The following SAMHD1 variants were observed in gnomAD, a reference collection of about 807,000 sequenced individuals.
SAMHD1 encodes the protein deoxynucleoside triphosphate triphosphohydrolase SAMHD1.
SAMHD1 carries 54 observed loss-of-function variants against 79.6 expected under a neutral mutation model. The observed-to-expected ratio is 0.68, with a 90% confidence interval of 0.55 to 0.85. The LOEUF (loss-of-function observed/expected upper bound fraction) is 0.85. Among genes scored for constraint, SAMHD1 ranks in the 40% least tolerant of loss-of-function variants. SAMHD1 has a pLI of 0.00. For synonymous variants in SAMHD1, 260 were observed against 264.1 expected (o/e 0.98, Z 0.15); for missense variants, 663 against 782.7 (o/e 0.85, Z 1.82).
At chr20:36,902,298 C>T (rs1478717988) in intron 13 of SAMHD1, among the ~76,000 whole-genome samples, 2 of 152,188 alleles carry the variant, frequency 1.3e-5, no homozygotes, top group Non-Finnish European at 2.9e-5. Flanking sequence ...TCTCCTGCCT[C>T]AGCCTCCTTG....
intron 5 of SAMHD1, among the ~76,000 whole-genome samples, chr20:36,929,069 AAAG>A (rs2063552877): frequency 6.6e-6 from 1 of 151,910 alleles, no homozygotes; most frequent in African/African-American, 2.4e-5. Flanking sequence ...AAAAAAAAAA[AAAG>A]AAGTGAGCCA....
intron 6 of SAMHD1, among the ~76,000 whole-genome samples, chr20:36,921,152 T>C (rs1434481715): frequency 1.3e-5 from 2 of 151,900 alleles, no homozygotes; most frequent in African/African-American, 4.8e-5. Context: ...CCCAGCACTT[T>C]AGGAGGCGGA....
intron 1 of SAMHD1, among the ~76,000 whole-genome samples, chr20:36,948,997 G>T (rs2063714361): frequency 6.6e-6 from 1 of 152,008 alleles, no homozygotes; most frequent in South Asian, 2.1e-4. Context: ...GGGCGCGGTG[G>T]CTCACGCCTG....
chr20:36,941,005 A>T, intron 3 of SAMHD1, 34 bp downstream of exon 3: 1 of 1,502,712 alleles, frequency 6.7e-7, no homozygotes, highest in Non-Finnish European at 9.3e-7. Flanking sequence ...ATCACTTTAT[A>T]TTCAAAAAAC....
At chr20:36,936,911 CG>C (rs1021937286) in intron 3 of SAMHD1, among the ~76,000 whole-genome samples, 38 of 152,036 alleles carry the variant, frequency 2.5e-4, no homozygotes, top group African/African-American at 9.2e-4. Context: ...GAGGCCAAGG[CG>C]GGTGGATCAC....
At chr20:36,917,331 T>C (rs1601130545) in intron 7 of SAMHD1, 2 of 379,272 alleles carry the variant, frequency 5.3e-6, no homozygotes, top group East Asian at 1.1e-4. Flanking sequence ...ACAACTTTTG[T>C]GTTTTCTTGG....
intron 5 of SAMHD1, among the ~76,000 whole-genome samples, chr20:36,928,445 G>C (rs957825697): frequency 2.6e-5 from 4 of 152,080 alleles, no homozygotes; most frequent in African/African-American, 9.7e-5. Context: ...CCAGCACTTT[G>C]GGAGGCCGAG....
intron 11 of SAMHD1, among the ~76,000 whole-genome samples, chr20:36,910,190 T>C (rs1465787757): frequency 6.9e-6 from 1 of 144,606 alleles, no homozygotes; most frequent in Non-Finnish European, 1.5e-5. Flanking sequence ...GCCACTGCAC[T>C]CCAGCCTGGG....
intron 10 of SAMHD1, 146 bp downstream of exon 10, chr20:36,912,315 A>G: frequency 1.5e-6 from 1 of 649,000 alleles, no homozygotes; most frequent in Non-Finnish European, 2.8e-6. Context: ...TTTATGCTAG[A>G]TTTTTTTTCT....
At chr20:36,921,702 T>G (rs1244999898) in intron 6 of SAMHD1, among the ~76,000 whole-genome samples, 1 of 149,164 alleles carries the variant, frequency 6.7e-6, no homozygotes, top group Non-Finnish European at 1.5e-5. Flanking sequence ...TTTTTGTGGT[T>G]GTTTTTTTTT....
chr20:36,893,015 C>T lies in SAMHD1; in HGVS notation c.1798G>A (p.Asp600Asn), dbSNP rs761596589. 3.0e-5 allele frequency: 48 copies of T among 1,613,810 alleles called. 3 individuals are homozygous for T. In the Middle Eastern group the frequency reaches 5.6e-3, roughly 189 times the overall value. The part of the protein sequence containing the change: ...LITPQKKEWN[D>N]STSVQNPTRL... The stretch of plus-strand genomic sequence containing the variant: ...GTTGGATTTTGGACTGAAGTACTGT[C>T]GTTCCATTCCTTTTTTTGAGGTGTT... Residue 600 changes from aspartate (D) to asparagine (N), a missense_variant, in exon 16 of 16, where the codon GAC (aspartate) becomes AAC (asparagine). Coordinates refer to ENST00000646673, the MANE Select transcript of SAMHD1 (RefSeq NM_015474.4).
chr20:36,911,906 T>G (rs371009577), intron 10 of SAMHD1: 150 of 176,608 alleles, frequency 8.5e-4, no homozygotes, highest in African/African-American at 3.3e-3. Context: ...ACCCAGTGTT[T>G]GATAACTCCT....
chr20:36,934,562 A>T (rs1287629665), intron 4 of SAMHD1: 1 of 150,258 alleles, frequency 6.7e-6, no homozygotes, highest in Non-Finnish European at 1.5e-5. Context: ...TTTTCTCATC[A>T]ATAAAATAAG....
intron 3 of SAMHD1, among the ~76,000 whole-genome samples, chr20:36,939,272 AAAAAAAAG>A (rs2063625276): frequency 2.7e-5 from 4 of 148,292 alleles, no homozygotes; most frequent in South Asian, 2.1e-4. Flanking sequence ...AAAAAAAAAA[AAAAAAAAG>A]AAAAGAAAAG....
At position 36,935,047 on chromosome 20, in the gene SAMHD1, C is replaced by A. The variant is rs1290849663; in HGVS notation, c.491G>T (p.Arg164Leu). 2 of 1,613,888 alleles carry A rather than the reference C, an allele frequency of 1.2e-6. No homozygotes were observed. The highest frequency in any genetic ancestry group is 1.7e-6 in the Non-Finnish European group (2 of 1,180,004). Residue 164 changes from arginine (R) to leucine (L), a missense_variant, in exon 4 of 16, where the codon CGA becomes CTA. Physicochemically the swap from Arg to Leu is moderately radical, Grantham distance 102. Transcript: ENST00000646673. The stretch of plus-strand genomic sequence containing the variant: ...TTCTTACCCTAGACTATGCTCAAAT[C>A]GATTGTGTGAAGCTCCTGGAAAAAC... The part of the protein sequence containing the change: ...YYVFPGASHN[R>L]FEHSLGVGYL...
chr20:36,916,750 T>C lies in SAMHD1; in HGVS notation c.1034A>G (p.Asn345Ser), dbSNP rs1273114275. The change falls in exon 9 of 16, where the codon AAT (asparagine) becomes AGT (serine). Residue 345 changes from asparagine (N) to serine (S), a missense_variant. Transcript: ENST00000646673. The part of the protein sequence containing the change: ...IKFARVCEVD[N>S]ELRICARDKE... ...ATCTCTAGCACAAATACGCAACTCA[T>C]TGTCTACTTCACAGACACGGGCAAA... 9.9e-6 allele frequency: 16 copies of C among 1,613,556 alleles called. No homozygotes were observed. The highest frequency in any genetic ancestry group is 5.0e-5 in the Admixed American group (3 of 59,982).
rs1199194624 is a variant in SAMHD1 at position 36,905,385 on chromosome 20, T to C, written c.1389A>G (p.Thr463=). Reference sequence around the variant, plus strand: ...TCACCCTTTTAATCTTTATTTGTCCTGTTGGCTGCGTCTCACCCACATACT... The same window carrying C: ...TCACCCTTTTAATCTTTATTTGTCCCGTTGGCTGCGTCTCACCCACATACT... ...LFKYVGETQP[T]GQIKIKREDY... Residue 463 remains threonine (T), a synonymous_variant, in exon 12 of 16, where the codon ACA becomes ACG. Coordinates refer to ENST00000646673, the MANE Select transcript of SAMHD1 (RefSeq NM_015474.4). 1.2e-6 allele frequency: 2 copies of C among 1,614,016 alleles called. No individual in the cohort carries two copies. Among genetic ancestry groups the C allele is most frequent in the Admixed American group, 1.7e-5 (1 of 59,994 alleles).
intron 11 of SAMHD1, among the ~76,000 whole-genome samples, chr20:36,908,922 T>C (rs977056319): frequency 6.6e-6 from 1 of 152,122 alleles, no homozygotes; most frequent in Non-Finnish European, 1.5e-5. Flanking sequence ...CTGTAAGCTA[T>C]GTGATTGCTT....
intron 6 of SAMHD1, among the ~76,000 whole-genome samples, chr20:36,923,375 T>C (rs1437875470): frequency 6.6e-6 from 1 of 152,012 alleles, no homozygotes; most frequent in East Asian, 1.9e-4. Flanking sequence ...TGAGCTTAGA[T>C]GACATCACTG....
Sources: gnomAD v4.1 joint callset for allele counts (sites outside exome capture counted in the v4.1 genomes callset) on GRCh38, gnomAD v4.1.1 for gene constraint, MANE v1.5 for transcripts, NCBI Gene and HGNC (gene_info 2026-07-23, HGNC 2026-07-21) for gene names.